Variants in ZNF597 observed in about 807,000 individuals in gnomAD.
ZNF597 encodes zinc finger protein 597.
ZNF597 carries 5 observed loss-of-function variants against 7.3 expected under a neutral mutation model. That is an observed-to-expected ratio of 0.68 (90% CI 0.36 to 1.44). ZNF597 has a LOEUF of 1.44. Ranked by LOEUF, ZNF597 falls within the 40% of genes most tolerant of loss-of-function variation. The probability of loss-of-function intolerance (pLI) is 0.04; values close to 1 mark genes in which losing one functional copy is unlikely to be tolerated. For missense variants in ZNF597, 585 were observed against 517.9 expected, an observed-to-expected ratio of 1.13 and a Z score of -1.26; for synonymous variants, 209 against 185.4, an observed-to-expected ratio of 1.13 and a Z score of -1.04.
In ZNF597 at chr16:3,436,707, T is replaced by C. The variant is rs142898726; in HGVS notation, c.992A>G (p.Asn331Ser). 2.5e-6 allele frequency: 4 copies of C among 1,613,996 alleles called. No homozygotes were observed. In the African/African-American group the frequency reaches 4.0e-5, roughly 16 times the overall value. Reference protein sequence around the residue: ...DSERCSDDGDNFFSFSKFKPL... With the variant: ...DSERCSDDGDSFFSFSKFKPL... ...CTTGAATTTTGAGAATGAGAAGAAA[T>C]TGTCCCCATCATCGCTGCAGCGTTC... Residue 331 changes from asparagine to serine, a missense_variant, in exon 4 of 4, where the codon AAT becomes AGT. Transcript: ENST00000301744.
Position 3,440,711 on chromosome 16 carries a change from A to G in ZNF597, c.160+96T>C. On this transcript the variant is annotated intron_variant, in intron 3 of 3. Coordinates refer to ENST00000301744, the MANE Select transcript of ZNF597 (RefSeq NM_152457.3). ...ACCTCCACATAAATTACTGAGGGAC[A>G]GGTCCCACTCCACCATACCAACATC... 2.8e-6 allele frequency: 4 copies of G among 1,451,332 alleles called. 1 individual carries two copies. Among genetic ancestry groups the G allele is most frequent in the East Asian group, 2.3e-5 (1 of 42,904 alleles). The allele number at this position is 1,451,332 out of a possible 1,614,324, so 89.9% of individuals were successfully genotyped here. A position where few individuals can be genotyped will look rare whatever the true frequency, so the allele number is the denominator to read the frequency against.
At position 3,434,834 on chromosome 16, in the gene ZNF597, T is replaced by C. The variant is rs1031755369; in HGVS notation, c.*1590A>G. 6.6e-6 allele frequency: 1 copy of C among 152,220 alleles called. No individual in the cohort carries two copies. Among genetic ancestry groups the C allele is most frequent in the Non-Finnish European group, 1.5e-5 (1 of 68,040 alleles). 9.4% of individuals were successfully genotyped at this position (152,220 alleles called of 1,614,324 possible). A position where few individuals can be genotyped will look rare whatever the true frequency, so the allele number is the denominator to read the frequency against. On this transcript the variant is annotated 3_prime_UTR_variant, in exon 4 of 4. Transcript: ENST00000301744. ...TCAATTTTAGCAAATATTGTACTTT[T>C]ATACTGTCTATTTAAATAGAATGAG...
chr16:3,438,375 C>G (rs1025884503), intron 3 of ZNF597, among the ~76,000 whole-genome samples: 1 of 151,726 alleles, frequency 6.6e-6, no homozygotes, highest in East Asian at 1.9e-4. Context: ...CTGGCTAACA[C>G]GGTGAAACCC....
In ZNF597 at chr16:3,435,974, A is replaced by C. The variant is rs17136405; in HGVS notation, c.*450T>G. On this transcript the variant is annotated 3_prime_UTR_variant, in exon 4 of 4. Coordinates refer to ENST00000301744, the MANE Select transcript of ZNF597 (RefSeq NM_152457.3). ...AACAGCAATCTTATACAAGTATTAC[A>C]TTCAAATAGTTATAGCAAAAAAAAG... The C allele has an allele frequency of 0.021, 3,335 of 158,722 alleles. 127 individuals carry two copies. Among genetic ancestry groups the C allele is most frequent in the African/African-American group, 0.077 (3,204 of 41,628 alleles). 9.8% of individuals were successfully genotyped at this position (158,722 alleles called of 1,614,324 possible).
Position 3,443,360 on chromosome 16 carries a change from C to G in ZNF597, c.-54G>C. On this transcript the variant is annotated splice_region_variant and 5_prime_UTR_variant, in exon 1 of 4. Transcript: ENST00000301744. ...CCGGCCTCGAAAGGGGCCCACTTAC[C>G]GCTCCGCGGTTAATAACAGGCCTCG... The G allele has an allele frequency of 1.7e-6, 1 of 582,226 alleles. No individual in the cohort carries two copies. The allele number at this position is 582,226 out of a possible 1,614,324, so 36.1% of individuals were successfully genotyped here. A position where few individuals can be genotyped will look rare whatever the true frequency, so the allele number is the denominator to read the frequency against.
intron 3 of ZNF597, among the ~76,000 whole-genome samples, chr16:3,439,732 C>A (rs1049160478): frequency 6.6e-6 from 1 of 151,918 alleles, no homozygotes; most frequent in Non-Finnish European, 1.5e-5. Context: ...AATCCCGGGT[C>A]CAACAACATA....
rs769741254 is a variant in ZNF597 at position 3,440,883 on chromosome 16, G to A, written c.84C>T (p.Cys28=). 15 of 1,613,928 alleles carry A rather than the reference G, an allele frequency of 9.3e-6. No individual in the cohort carries two copies. Among genetic ancestry groups the A allele is most frequent in the South Asian group, 3.3e-5 (3 of 91,072 alleles). ...DLAVYFSQEE[C]VTLHPAQRSL... is the part of the protein sequence containing the mutation. ...ACCTCTGGGCAGGGTGCAGAGTCAC[G>A]CACTCCTCTTGAGAAAAATACACAG... Residue 28 remains cysteine (C), a synonymous_variant, in exon 3 of 4, where the codon TGC becomes TGT. Coordinates refer to ENST00000301744, the MANE Select transcript of ZNF597 (RefSeq NM_152457.3).
intron 3 of ZNF597, among the ~76,000 whole-genome samples, chr16:3,440,204 C>G (rs938487741): frequency 3.3e-5 from 5 of 152,178 alleles, no homozygotes; most frequent in African/African-American, 1.2e-4. Context: ...CAGTCTTTAG[C>G]AAATGATAGT....
intron 3 of ZNF597, among the ~76,000 whole-genome samples, chr16:3,439,303 A>T (rs1284850449): frequency 6.6e-6 from 1 of 151,986 alleles, no homozygotes; most frequent in Non-Finnish European, 1.5e-5. Context: ...GGACTGCTTG[A>T]GCCTGGGAGG....
At position 3,432,958 on chromosome 16, in the gene ZNF597, T is replaced by C. The variant is rs910524393; in HGVS notation, c.*3466A>G. On this transcript the variant is annotated 3_prime_UTR_variant, in exon 4 of 4. Transcript: ENST00000301744. ...CCTGCTATGTCTCCCTTTGTACACA[T>C]AGGCAGTAAATTGCAGATTACTTTG... 6.6e-6 allele frequency: 1 copy of C among 152,224 alleles called. No homozygotes were observed. The highest frequency in any genetic ancestry group is 1.5e-5 in the Non-Finnish European group (1 of 68,044). The allele number at this position is 152,224 out of a possible 1,614,324, so 9.4% of individuals were successfully genotyped here. A position where few individuals can be genotyped will look rare whatever the true frequency, so the allele number is the denominator to read the frequency against.
chr16:3,441,447 A>G (rs2034368831), intron 2 of ZNF597, among the ~76,000 whole-genome samples: 3 of 152,166 alleles, frequency 2.0e-5, no homozygotes, highest in Admixed American at 2.0e-4. Context: ...AGCACTTTGG[A>G]AGGTGGAGGC....
rs1353303242 is a variant in ZNF597, at chr16:3,436,687, AT to A, written c.1011del (p.Lys337AsnfsTer12). On this transcript the variant is annotated frameshift_variant, in exon 4 of 4. Coordinates refer to ENST00000301744, the MANE Select transcript of ZNF597 (RefSeq NM_152457.3). LOFTEE classifies it low-confidence loss of function (END_TRUNC). ...DDGDNFFSFS[K>X]FKPLQCPDCD... is the part of the protein sequence containing the mutation. ...CAGTCAGGACACTGTAAGGGCTTGA[AT>A]TTTGAGAATGAGAAGAAATTGTCCC... 2 of 1,613,928 alleles carry A rather than the reference AT, an allele frequency of 1.2e-6. No individual in the cohort carries two copies. The highest frequency in any genetic ancestry group is 2.7e-5 in the African/African-American group (2 of 74,926).
rs1036379588 is a variant in ZNF597 at position 3,436,154 on chromosome 16, C to G, written c.*270G>C. 2.8e-6 allele frequency: 1 copy of G among 358,734 alleles called. No homozygotes were observed. Among genetic ancestry groups the G allele is most frequent in the African/African-American group, 2.1e-5 (1 of 47,536 alleles). 22.2% of individuals were successfully genotyped at this position (358,734 alleles called of 1,614,324 possible). On this transcript the variant is annotated 3_prime_UTR_variant, in exon 4 of 4. Coordinates refer to ENST00000301744, the MANE Select transcript of ZNF597 (RefSeq NM_152457.3). ...CATTTTAATGAAAATTGAATTTAAA[C>G]AAAAGTTGTGTATCTTCTTCTGGCT...
chr16:3,435,265 A>G lies in ZNF597; in HGVS notation c.*1159T>C, dbSNP rs1303088761. On this transcript the variant is annotated 3_prime_UTR_variant, in exon 4 of 4. Coordinates refer to ENST00000301744, the MANE Select transcript of ZNF597 (RefSeq NM_152457.3). ...GTCTTCTGCTGCTTTGTAACTGTAT[A>G]TGTTAGTCAGGCTTTGGGTACAGCA... 6.6e-6 allele frequency: 1 copy of G among 152,162 alleles called. No individual in the cohort carries two copies. The highest frequency in any genetic ancestry group is 1.9e-4 in the East Asian group (1 of 5,192). The allele number at this position is 152,162 out of a possible 1,614,324, so 9.4% of individuals were successfully genotyped here. A position where few individuals can be genotyped will look rare whatever the true frequency, so the allele number is the denominator to read the frequency against.
intron 2 of ZNF597, 106 bp from the exon 3 acceptor site, chr16:3,441,039 G>T: frequency 6.7e-7 from 1 of 1,490,274 alleles, no homozygotes; most frequent in Non-Finnish European, 9.0e-7. Flanking sequence ...CGGGATAAAA[G>T]GCTCGGTGTA....
chr16:3,436,114 T>A lies in ZNF597; in HGVS notation c.*310A>T. On this transcript the variant is annotated 3_prime_UTR_variant, in exon 4 of 4. Coordinates refer to ENST00000301744, the MANE Select transcript of ZNF597 (RefSeq NM_152457.3). ...ACTACGTAAACAAAATTAAAATAAC[T>A]TTAGCAAGAGCCTTCATTTTAATGA... The A allele has an allele frequency of 3.6e-6, 1 of 278,698 alleles. No homozygotes were observed. Among genetic ancestry groups the A allele is most frequent in the Non-Finnish European group, 6.7e-6 (1 of 149,432 alleles). The allele number at this position is 278,698 out of a possible 1,614,324, so 17.3% of individuals were successfully genotyped here.
chr16:3,440,704 G>T (rs1483825856), intron 3 of ZNF597, 103 bp downstream of exon 3: 2 of 1,414,492 alleles, frequency 1.4e-6, no homozygotes, highest in Non-Finnish European at 1.9e-6. Context: ...ATAAATTACT[G>T]AGGGACAGGT....
intron 2 of ZNF597, 36 bp downstream of exon 2, chr16:3,443,085 G>T (rs375691567): frequency 4.3e-6 from 7 of 1,613,858 alleles, no homozygotes; most frequent in Non-Finnish European, 5.9e-6. Flanking sequence ...ACCGAAAGCA[G>T]CAATAAACTT....
intron 3 of ZNF597, among the ~76,000 whole-genome samples, chr16:3,439,294 G>A (rs983299935): frequency 1.6e-4 from 24 of 152,014 alleles, no homozygotes; most frequent in Non-Finnish European, 3.2e-4. Context: ...GAGGTGGGAG[G>A]ACTGCTTGAG....
Sources: gnomAD v4.1 joint callset for allele counts (sites outside exome capture counted in the v4.1 genomes callset) on GRCh38, gnomAD v4.1.1 for gene constraint, MANE v1.5 for transcripts, NCBI Gene and HGNC (gene_info 2026-07-23, HGNC 2026-07-21) for gene names.